CSMD1: variants seen among roughly 807,000 people sequenced by gnomAD.
CSMD1 encodes the protein CUB and Sushi multiple domains 1.
Under a neutral mutation model 417.5 loss-of-function variants are expected in CSMD1, and 213 were observed. That is an observed-to-expected ratio of 0.51 (90% CI 0.46 to 0.57). CSMD1 has a LOEUF of 0.57. CSMD1 is among the 20% of genes least tolerant of loss of function. CSMD1 has a pLI of 0.00. For missense variants in CSMD1, 6,923 were observed against 4,529.7 expected, an observed-to-expected ratio of 1.53 and a Z score of -15.17; for synonymous variants, 2,862 against 1,736.8, an observed-to-expected ratio of 1.65 and a Z score of -16.11.
chr8:3,478,110 C>T lies in CSMD1; in HGVS notation c.1449-9286G>A, dbSNP rs570714495. Among the ~76,000 whole-genome samples, 47 of 152,306 alleles carry T rather than the reference C, an allele frequency of 3.1e-4. 1 individual carries two copies. The East Asian group carries it at 3.5e-3, about 11-fold the overall frequency. Reference sequence around the variant, plus strand: ...TTTCATTTACTTTGACTCATGCACACGCCTCACTCAAGTATGGCAGACTTT... The same window carrying T: ...TTTCATTTACTTTGACTCATGCACATGCCTCACTCAAGTATGGCAGACTTT... On this transcript the variant is annotated intron_variant, in intron 11 of 69. Coordinates refer to ENST00000635120, the MANE Select transcript of CSMD1 (RefSeq NM_033225.6).
At chr8:3,897,302 T>C (rs1257616387) in intron 5 of CSMD1, among the ~76,000 whole-genome samples, 2 of 152,212 alleles carry the variant, frequency 1.3e-5, no homozygotes, top group Non-Finnish European at 2.9e-5. Flanking sequence ...AAGAGCTGTG[T>C]GCAGGAGCAG....
intron 3 of CSMD1, among the ~76,000 whole-genome samples, chr8:4,244,077 G>C (rs1802554704): frequency 6.6e-6 from 1 of 152,186 alleles, no homozygotes; most frequent in Non-Finnish European, 1.5e-5. Context: ...TCCTGTTGTG[G>C]ACAGCTCTGT....
chr8:4,109,586 A>G (rs1038166095), intron 3 of CSMD1, among the ~76,000 whole-genome samples: 2 of 152,176 alleles, frequency 1.3e-5, no homozygotes, highest in Non-Finnish European at 2.9e-5. Flanking sequence ...GGAACTACGC[A>G]GGAGCATTTG....
rs186211488 is a variant in CSMD1 at position 3,073,326 on chromosome 8, C to A, written c.7474+13771G>T. 2.5e-3 allele frequency among the ~76,000 whole-genome samples: 373 copies of A among 147,658 alleles called. 1 individual carries two copies. The highest frequency in any genetic ancestry group is 8.8e-3 in the African/African-American group (356 of 40,552). ...ATAGAAAGTAGTTGGAATTTTAAATCAGCAAAAAAAAATTAGTGGAGAAAA... is the reference window on the plus strand; with the variant it reads ...ATAGAAAGTAGTTGGAATTTTAAATAAGCAAAAAAAAATTAGTGGAGAAAA... On this transcript the variant is annotated intron_variant, in intron 49 of 69. Coordinates refer to ENST00000635120, the MANE Select transcript of CSMD1 (RefSeq NM_033225.6).
intron 3 of CSMD1, among the ~76,000 whole-genome samples, chr8:4,149,424 G>C (rs1225481963): frequency 2.0e-5 from 3 of 152,098 alleles, no homozygotes; most frequent in African/African-American, 7.2e-5. Flanking sequence ...AGCAATATTT[G>C]AACGGTATTT....
intron 1 of CSMD1, among the ~76,000 whole-genome samples, chr8:4,717,532 ATCTG>A (rs1352879363): frequency 2.7e-5 from 4 of 148,632 alleles, no homozygotes; most frequent in Non-Finnish European, 5.9e-5. Context: ...AAACCTATCA[ATCTG>A]TCTGTCTGTC....
At chr8:4,034,439 C>A (rs1386582545) in intron 3 of CSMD1, among the ~76,000 whole-genome samples, 1 of 152,064 alleles carries the variant, frequency 6.6e-6, no homozygotes, top group Admixed American at 6.6e-5. Flanking sequence ...TCATTTTTGT[C>A]TTTTTTAATA....
At chr8:4,819,153 C>A (rs1328790305) in intron 1 of CSMD1, among the ~76,000 whole-genome samples, 6 of 152,190 alleles carry the variant, frequency 3.9e-5, no homozygotes, top group African/African-American at 1.4e-4. Flanking sequence ...TTCTGCTCTA[C>A]TGGTGTCCTT....
intron 10 of CSMD1, among the ~76,000 whole-genome samples, chr8:3,556,670 T>C (rs1266109453): frequency 6.6e-6 from 1 of 151,804 alleles, no homozygotes; most frequent in Non-Finnish European, 1.5e-5. Context: ...ATAATGGTAA[T>C]TGCGTCTCTC....
intron 1 of CSMD1, among the ~76,000 whole-genome samples, chr8:4,648,769 T>A (rs1803697013): frequency 6.6e-6 from 1 of 152,216 alleles, no homozygotes; most frequent in South Asian, 2.1e-4. Flanking sequence ...CTCCATTATG[T>A]TGGAGTTGAG....
At chr8:3,462,578 G>C (rs1203453234) in intron 12 of CSMD1, among the ~76,000 whole-genome samples, 11 of 152,074 alleles carry the variant, frequency 7.2e-5, no homozygotes, top group Admixed American at 5.9e-4. Context: ...CACCCAGATG[G>C]GACTGTCTAG....
intron 3 of CSMD1, among the ~76,000 whole-genome samples, chr8:4,292,646 T>C (rs906604358): frequency 2.0e-5 from 3 of 152,174 alleles, no homozygotes; most frequent in African/African-American, 7.2e-5. Context: ...CAGTCTTGCA[T>C]CATCAACATG....
chr8:3,937,389 T>A (rs2129721983), intron 5 of CSMD1, among the ~76,000 whole-genome samples: 1 of 152,274 alleles, frequency 6.6e-6, no homozygotes, highest in East Asian at 1.9e-4. Context: ...TTTACTGTTG[T>A]CTTATTTTAA....
At chr8:4,571,752 G>T (rs1016553182) in intron 2 of CSMD1, among the ~76,000 whole-genome samples, 1 of 152,270 alleles carries the variant, frequency 6.6e-6, no homozygotes, top group East Asian at 1.9e-4. Flanking sequence ...CTATTATTGT[G>T]TGGGAGTCTA....
intron 1 of CSMD1, among the ~76,000 whole-genome samples, chr8:4,979,021 A>G (rs891400158): frequency 1.3e-5 from 2 of 152,118 alleles, no homozygotes; most frequent in Non-Finnish European, 2.9e-5. Flanking sequence ...TGAAGAGCAA[A>G]ATTTCCTATT....
intron 26 of CSMD1, among the ~76,000 whole-genome samples, chr8:3,266,217 G>GTC (rs1178563123): frequency 1.3e-5 from 2 of 150,958 alleles, no homozygotes; most frequent in African/African-American, 4.9e-5. Flanking sequence ...TGGCCAGGGA[G>GTC]TCAGGGGGCT....
At chr8:3,660,007 C>T (rs1278956957) in intron 7 of CSMD1, among the ~76,000 whole-genome samples, 2 of 152,168 alleles carry the variant, frequency 1.3e-5, no homozygotes, top group African/African-American at 2.4e-5. Context: ...CTGAACAATA[C>T]GTATCTAATC....
chr8:4,079,037 G>C (rs540430661), intron 3 of CSMD1, among the ~76,000 whole-genome samples: 12 of 150,800 alleles, frequency 8.0e-5, no homozygotes, highest in East Asian at 7.8e-4. Context: ...TCCAGGTATG[G>C]ACCCGACCAC....
chr8:4,574,572 C>A (rs760077141), intron 2 of CSMD1, among the ~76,000 whole-genome samples: 11 of 152,168 alleles, frequency 7.2e-5, no homozygotes, highest in Non-Finnish European at 1.5e-4. Context: ...CCTATTCGGT[C>A]ATCTTGCTGA....
Sources: allele counts gnomAD v4.1 joint callset (sites outside exome capture counted in the v4.1 genomes callset), GRCh38; gene constraint gnomAD v4.1.1; transcripts MANE v1.5; gene names NCBI Gene and HGNC (gene_info 2026-07-23, HGNC 2026-07-21).